Variants in OPCML observed in about 807,000 individuals in gnomAD.
OPCML encodes the protein opioid-binding protein/cell adhesion molecule.
In OPCML, 13 loss-of-function variants were observed where a neutral mutation model predicts 37.8. That is an observed-to-expected ratio of 0.34 (90% CI 0.22 to 0.55). OPCML has a LOEUF of 0.55. Among genes scored for constraint, OPCML ranks in the 20% least tolerant of loss-of-function variants. The probability of loss-of-function intolerance (pLI) is 0.91; values close to 1 mark genes in which losing one functional copy is unlikely to be tolerated. For missense variants in OPCML, 341 were observed against 435.6 expected, an observed-to-expected ratio of 0.78 and a Z score of 1.93; for synonymous variants, 176 against 168.8, an observed-to-expected ratio of 1.04 and a Z score of -0.33.
At chr11:132,428,534 C>T (rs529841598) in intron 7 of OPCML, among the ~76,000 whole-genome samples, 1 of 152,300 alleles carries the variant, frequency 6.6e-6, no homozygotes, top group South Asian at 2.1e-4. Flanking sequence ...TATGGGGCAT[C>T]ATTGAGCAGA....
intron 1 of OPCML, among the ~76,000 whole-genome samples, chr11:133,039,277 C>A (rs558815202): frequency 1.3e-5 from 2 of 152,200 alleles, no homozygotes; most frequent in Non-Finnish European, 2.9e-5. Context: ...CCTGCCCTCA[C>A]GTTTCCTTCT....
At chr11:132,491,685 G>T (rs763272764) in intron 4 of OPCML, among the ~76,000 whole-genome samples, 1 of 152,106 alleles carries the variant, frequency 6.6e-6, no homozygotes, top group Admixed American at 6.5e-5. Flanking sequence ...CTAAGCCTTC[G>T]CTTTGAGCGA....
chr11:132,697,461 C>A (rs1374073038), intron 2 of OPCML, among the ~76,000 whole-genome samples: 1 of 152,164 alleles, frequency 6.6e-6, no homozygotes, highest in Non-Finnish European at 1.5e-5. Flanking sequence ...CCCTGACAAT[C>A]ACCATTCGAC....
intron 1 of OPCML, among the ~76,000 whole-genome samples, chr11:133,370,484 GAA>G (rs202101542): frequency 4.6e-5 from 4 of 86,082 alleles, no homozygotes; most frequent in East Asian, 3.5e-4. Context: ...AGCTCAAACA[GAA>G]AAAAAAAAAA....
intron 1 of OPCML, among the ~76,000 whole-genome samples, chr11:133,444,938 G>T (rs1039657860): frequency 6.9e-6 from 1 of 144,062 alleles, no homozygotes; most frequent in Non-Finnish European, 1.5e-5. Flanking sequence ...ATGGTGGATG[G>T]AGACCACCAT....
intron 4 of OPCML, among the ~76,000 whole-genome samples, chr11:132,507,237 CTT>C (rs1370117778): frequency 6.6e-6 from 1 of 151,760 alleles, no homozygotes; most frequent in Non-Finnish European, 1.5e-5. Flanking sequence ...GCTGAAAACA[CTT>C]TATTAAAATC....
chr11:132,621,166 T>C (rs567088059), intron 3 of OPCML, among the ~76,000 whole-genome samples: 1 of 152,326 alleles, frequency 6.6e-6, no homozygotes, highest in African/African-American at 2.4e-5. Flanking sequence ...TAATACTGTC[T>C]TGCTGAGGAT....
At chr11:133,265,570 G>A (rs1176956497) in intron 1 of OPCML, among the ~76,000 whole-genome samples, 2 of 152,152 alleles carry the variant, frequency 1.3e-5, no homozygotes, top group Admixed American at 6.5e-5. Context: ...AGAACACAAC[G>A]TCCCTGAAAG....
chr11:132,706,368 T>C (rs1944035696), intron 2 of OPCML, among the ~76,000 whole-genome samples: 1 of 152,128 alleles, frequency 6.6e-6, no homozygotes, highest in Non-Finnish European at 1.5e-5. Context: ...CCAACAAAGC[T>C]GGTGAAAAAC....
At chr11:132,626,404 T>C (rs10791242) in intron 3 of OPCML, among the ~76,000 whole-genome samples, 23,418 of 151,906 alleles carry the variant, frequency 0.15, 1,890 homozygotes, top group Middle Eastern at 0.21. Context: ...AGTAAGATAC[T>C]ATGAGGAATA....
chr11:132,796,011 A>G (rs1938285928), intron 2 of OPCML, among the ~76,000 whole-genome samples: 1 of 152,214 alleles, frequency 6.6e-6, no homozygotes. Flanking sequence ...AGGTCCCTAA[A>G]CAATACAGTT....
At chr11:132,820,559 G>T (rs1009964577) in intron 2 of OPCML, among the ~76,000 whole-genome samples, 3 of 152,124 alleles carry the variant, frequency 2.0e-5, no homozygotes, top group African/African-American at 7.2e-5. Context: ...GTGAAGTGCT[G>T]CAAGCCCCTT....
At chr11:132,587,461 A>G (rs1217039591) in intron 3 of OPCML, among the ~76,000 whole-genome samples, 1 of 152,204 alleles carries the variant, frequency 6.6e-6, no homozygotes, top group African/African-American at 2.4e-5. Context: ...AGGAGGCTGC[A>G]CAATCAGTTA....
chr11:132,663,683 AG>A (rs1032355218), intron 2 of OPCML, among the ~76,000 whole-genome samples: 1 of 152,196 alleles, frequency 6.6e-6, no homozygotes, highest in African/African-American at 2.4e-5. Flanking sequence ...GTAGTAATGA[AG>A]GTTCCCAAGC....
intron 1 of OPCML, among the ~76,000 whole-genome samples, chr11:133,375,314 T>G (rs1234547262): frequency 2.0e-5 from 3 of 152,232 alleles, no homozygotes; most frequent in African/African-American, 7.2e-5. Context: ...GTCTGTAAAC[T>G]GCCAAAGGAC....
At chr11:132,981,703 A>C (rs1301250325) in intron 1 of OPCML, among the ~76,000 whole-genome samples, 1 of 152,192 alleles carries the variant, frequency 6.6e-6, no homozygotes. Context: ...GTGATCTTAG[A>C]CTCAGCTTAT....
chr11:132,441,468 C>T (rs1565565414), intron 4 of OPCML, among the ~76,000 whole-genome samples: 2 of 152,246 alleles, frequency 1.3e-5, no homozygotes, highest in East Asian at 1.9e-4. Flanking sequence ...GCGCCCGGCC[C>T]ACCAAGGACT....
At chr11:132,864,825 G>T (rs992040375) in intron 2 of OPCML, among the ~76,000 whole-genome samples, 1 of 152,158 alleles carries the variant, frequency 6.6e-6, no homozygotes, top group African/African-American at 2.4e-5. Flanking sequence ...TGTAAGAATG[G>T]TTCCATAACA....
At chr11:133,081,135 T>C (rs917521427) in intron 1 of OPCML, among the ~76,000 whole-genome samples, 2 of 152,226 alleles carry the variant, frequency 1.3e-5, no homozygotes, top group Admixed American at 1.3e-4. Flanking sequence ...CCCAGTGTGC[T>C]CCTGACTTCA....
Sources: gnomAD v4.1 joint callset for allele counts (sites outside exome capture counted in the v4.1 genomes callset) on GRCh38, gnomAD v4.1.1 for gene constraint, MANE v1.5 for transcripts, NCBI Gene and HGNC (gene_info 2026-07-23, HGNC 2026-07-21) for gene names.